RASA1: variants seen among roughly 807,000 people sequenced by gnomAD.
RASA1 encodes ras GTPase-activating protein 1.
Under a neutral mutation model 132.2 loss-of-function variants are expected in RASA1, and 25 were observed. That is an observed-to-expected ratio of 0.19 (90% CI 0.14 to 0.26). The LOEUF is 0.26. Ranked by LOEUF, RASA1 falls within the 10% of genes least tolerant of loss-of-function variation. The pLI is 1.00. For synonymous variants in RASA1, 477 were observed against 449.9 expected, an observed-to-expected ratio of 1.06 and a Z score of -0.76; for missense variants, 964 against 1,299.2, an observed-to-expected ratio of 0.74 and a Z score of 3.97.
chr5:87,295,657 A>G (rs1433172253), intron 1 of RASA1, among the ~76,000 whole-genome samples: 1 of 151,862 alleles, frequency 6.6e-6, no homozygotes, highest in Non-Finnish European at 1.5e-5. Context: ...GATGCACACC[A>G]CCATGCCTGG....
intron 4 of RASA1, 78 bp downstream of exon 4, chr5:87,333,415 G>A (rs975084835): frequency 4.4e-6 from 7 of 1,575,734 alleles, no homozygotes; most frequent in African/African-American, 4.1e-5. Context: ...GGACTAGGAA[G>A]CTTTTGAAAT....
At chr5:87,287,837 TATACCATATATAC>T (rs1428137371) in intron 1 of RASA1, among the ~76,000 whole-genome samples, 1 of 96,420 alleles carries the variant, frequency 1.0e-5, no homozygotes, top group Non-Finnish European at 2.1e-5. Context: ...ACACCATATA[TATACCATATATAC>T]ACACACCATA....
At chr5:87,380,172 T>C (rs964003070) in intron 19 of RASA1, among the ~76,000 whole-genome samples, 1 of 152,136 alleles carries the variant, frequency 6.6e-6, no homozygotes, top group East Asian at 1.9e-4. Flanking sequence ...ATCACTCTGT[T>C]AATATGCTTG....
chr5:87,387,028 AT>A, intron 23 of RASA1, 125 bp downstream of exon 23: 1 of 865,366 alleles, frequency 1.2e-6, no homozygotes, highest in South Asian at 1.6e-5. Context: ...AAGCCTGCAA[AT>A]TTTTGTCTGC....
In RASA1 at chr5:87,372,231, A is replaced by AT. The variant is rs372698116; in HGVS notation, c.1776+40dup. 284 of 1,570,214 alleles carry AT rather than the reference A, an allele frequency of 1.8e-4. No individual in the cohort carries two copies. In the African/African-American group the frequency reaches 2.0e-3, roughly 11 times the overall value. On this transcript the variant is annotated intron_variant, in intron 13 of 24. Coordinates refer to ENST00000274376, the MANE Select transcript of RASA1 (RefSeq NM_002890.3). Reference sequence around the variant, plus strand: ...ATTTTCTTGGATTTTTAATTGTCACATTTTGCTCTAACACTTTGCTCTTTT... The same window carrying AT: ...ATTTTCTTGGATTTTTAATTGTCACATTTTTGCTCTAACACTTTGCTCTTTT...
intron 9 of RASA1, among the ~76,000 whole-genome samples, chr5:87,354,119 T>A (rs1759477812): frequency 6.6e-6 from 1 of 151,882 alleles, no homozygotes. Context: ...AGCTACTACT[T>A]ATTGCAGTTA....
At chr5:87,356,885 G>A (rs555748873) in intron 9 of RASA1, among the ~76,000 whole-genome samples, 23 of 152,122 alleles carry the variant, frequency 1.5e-4, no homozygotes, top group Non-Finnish European at 1.3e-4. Flanking sequence ...CTTCATTCCC[G>A]CATGCTTTCC....
intron 24 of RASA1, 90 bp from the exon 25 acceptor site, chr5:87,390,710 T>A: frequency 9.5e-7 from 1 of 1,056,770 alleles, no homozygotes; most frequent in Non-Finnish European, 1.5e-6. Flanking sequence ...ATCCTTTTGC[T>A]TTGATACAGT....
At chr5:87,354,665 C>T (rs1759522514) in intron 9 of RASA1, among the ~76,000 whole-genome samples, 1 of 152,118 alleles carries the variant, frequency 6.6e-6, no homozygotes, top group Non-Finnish European at 1.5e-5. Context: ...AGTCACATGT[C>T]TCTCACATTA....
At position 87,391,730 on chromosome 5, in the gene RASA1, G is replaced by A; in HGVS notation, c.*847G>A. ...GTTAAAAGTTATTTGTTCATTATTT[G>A]TGCTACCCCTTTGATTATGCAGACA... On this transcript the variant is annotated 3_prime_UTR_variant, in exon 25 of 25. Transcript: ENST00000274376. 4.3e-6 allele frequency: 1 copy of A among 232,650 alleles called. No homozygotes were observed. Among genetic ancestry groups the A allele is most frequent in the African/African-American group, 2.2e-5 (1 of 45,340 alleles). 14.4% of individuals were successfully genotyped at this position (232,650 alleles called of 1,614,324 possible).
At chr5:87,312,113 A>G (rs1755961761) in intron 1 of RASA1, among the ~76,000 whole-genome samples, 1 of 152,244 alleles carries the variant, frequency 6.6e-6, no homozygotes, top group Admixed American at 6.5e-5. Context: ...GATGCAACCT[A>G]TGATATGCAT....
intron 9 of RASA1, among the ~76,000 whole-genome samples, chr5:87,354,444 T>C (rs1759503832): frequency 6.6e-6 from 1 of 152,150 alleles, no homozygotes; most frequent in Non-Finnish European, 1.5e-5. Flanking sequence ...AATGTTACTA[T>C]TGCAATTGTT....
At chr5:87,320,746 T>C (rs1756732377) in intron 1 of RASA1, among the ~76,000 whole-genome samples, 1 of 152,186 alleles carries the variant, frequency 6.6e-6, no homozygotes, top group Non-Finnish European at 1.5e-5. Flanking sequence ...AGGGAGGTAA[T>C]GTATTCAGTT....
At chr5:87,389,263 G>A (rs375342837) in intron 23 of RASA1, 130 bp from the exon 24 acceptor site, 19 of 1,175,528 alleles carry the variant, frequency 1.6e-5, no homozygotes, top group African/African-American at 1.2e-4. Flanking sequence ...CCCGGGAGGC[G>A]GAGGTTGCAG....
chr5:87,305,410 A>G (rs1755562981), intron 1 of RASA1, among the ~76,000 whole-genome samples: 1 of 152,206 alleles, frequency 6.6e-6, no homozygotes, highest in Non-Finnish European at 1.5e-5. Context: ...AGGACTATTA[A>G]ATGGTGCTGG....
At chr5:87,342,954 C>T (rs773697801) in intron 6 of RASA1, among the ~76,000 whole-genome samples, 5 of 152,122 alleles carry the variant, frequency 3.3e-5, no homozygotes, top group Admixed American at 6.5e-5. Flanking sequence ...CACTTTCACT[C>T]GGAAGTCTTT....
chr5:87,295,440 T>G (rs976822936), intron 1 of RASA1, among the ~76,000 whole-genome samples: 4 of 151,676 alleles, frequency 2.6e-5, no homozygotes, highest in Non-Finnish European at 5.9e-5. Flanking sequence ...CTTTTGTGAT[T>G]TAATTATTTT....
intron 3 of RASA1, 109 bp from the exon 4 acceptor site, chr5:87,333,158 C>A: frequency 6.8e-7 from 1 of 1,474,146 alleles, no homozygotes; most frequent in Non-Finnish European, 9.1e-7. Context: ...TTGAATGATC[C>A]CATGGAGTTT....
intron 1 of RASA1, among the ~76,000 whole-genome samples, chr5:87,329,442 TAAAAC>T (rs956930956): frequency 1.4e-4 from 21 of 152,040 alleles, no homozygotes; most frequent in South Asian, 6.2e-4. Context: ...ACTCCCGTCT[TAAAAC>T]AAAACAAAAC....
Sources: allele counts gnomAD v4.1 joint callset (sites outside exome capture counted in the v4.1 genomes callset), GRCh38; gene constraint gnomAD v4.1.1; transcripts MANE v1.5; gene names NCBI Gene and HGNC (gene_info 2026-07-23, HGNC 2026-07-21).